The following PARD3B variants were observed in gnomAD, a reference collection of about 807,000 sequenced individuals.
PARD3B encodes partitioning defective 3 homolog B.
A neutral mutation model predicts 130.2 loss-of-function variants in PARD3B; 103 were observed. The observed-to-expected ratio is 0.79, with a 90% CI of 0.67 to 0.93. The LOEUF is 0.93. Among genes scored for constraint, PARD3B ranks in the 40% least tolerant of loss-of-function variants. The pLI, the probability that PARD3B is intolerant of heterozygous loss-of-function variation, is 0.00. For missense variants in PARD3B, 1,609 were observed against 1,499.2 expected, an observed-to-expected ratio of 1.07 and a Z score of -1.21; for synonymous variants, 583 against 553.2, an observed-to-expected ratio of 1.05 and a Z score of -0.76.
chr2:204,866,701 T>A (rs1018688996), intron 2 of PARD3B, among the ~76,000 whole-genome samples: 1 of 151,618 alleles, frequency 6.6e-6, no homozygotes, highest in African/African-American at 2.4e-5. Context: ...ATATATATGT[T>A]TATGTATGTA....
At chr2:205,556,841 T>C (rs1180833531) in intron 22 of PARD3B, among the ~76,000 whole-genome samples, 2 of 152,228 alleles carry the variant, frequency 1.3e-5, no homozygotes, top group Admixed American at 1.3e-4. Flanking sequence ...TAGGCTGCTA[T>C]GATGTGCGAA....
chr2:205,278,292 A>G (rs774939046), intron 16 of PARD3B, among the ~76,000 whole-genome samples: 1 of 152,130 alleles, frequency 6.6e-6, no homozygotes, highest in Non-Finnish European at 1.5e-5. Flanking sequence ...AAAGAAAAGG[A>G]TAGAAGTGAG....
intron 3 of PARD3B, among the ~76,000 whole-genome samples, chr2:205,036,370 A>AATATATG (rs1697885988): frequency 4.3e-4 from 46 of 108,148 alleles, no homozygotes; most frequent in Non-Finnish European, 6.6e-4. Flanking sequence ...TATATATAAA[A>AATATATG]TATATATAGC....
At chr2:204,582,141 G>A (rs1016348234) in intron 1 of PARD3B, among the ~76,000 whole-genome samples, 1 of 152,138 alleles carries the variant, frequency 6.6e-6, no homozygotes, top group Non-Finnish European at 1.5e-5. Context: ...AGGCACCTCT[G>A]AGAACTCCCA....
intron 2 of PARD3B, among the ~76,000 whole-genome samples, chr2:204,854,109 A>G (rs1243405555): frequency 6.6e-6 from 1 of 152,190 alleles, no homozygotes; most frequent in Non-Finnish European, 1.5e-5. Flanking sequence ...ACTGAAAGAA[A>G]CATCATGAGA....
At chr2:205,399,437 C>G (rs2046161458) in intron 18 of PARD3B, among the ~76,000 whole-genome samples, 1 of 151,902 alleles carries the variant, frequency 6.6e-6, no homozygotes. Context: ...TCACTGCAAC[C>G]TCTGCCTCCT....
intron 18 of PARD3B, among the ~76,000 whole-genome samples, chr2:205,381,788 G>C (rs1292968398): frequency 6.6e-6 from 1 of 151,960 alleles, no homozygotes; most frequent in Non-Finnish European, 1.5e-5. Flanking sequence ...TCTGTTTGGG[G>C]GAGGACTGCA....
At chr2:204,825,231 C>G (rs567556259) in intron 2 of PARD3B, among the ~76,000 whole-genome samples, 1 of 152,294 alleles carries the variant, frequency 6.6e-6, no homozygotes, top group Admixed American at 6.5e-5. Flanking sequence ...AGCTTTCTTA[C>G]TCATCATCTG....
intron 1 of PARD3B, among the ~76,000 whole-genome samples, chr2:204,644,850 C>A (rs2035217258): frequency 6.6e-6 from 1 of 152,012 alleles, no homozygotes; most frequent in Non-Finnish European, 1.5e-5. Context: ...TAAAAAAATT[C>A]CTCCCCAGAG....
chr2:205,535,593 G>A (rs1444578972), intron 21 of PARD3B, among the ~76,000 whole-genome samples: 1 of 152,108 alleles, frequency 6.6e-6, no homozygotes, highest in African/African-American at 2.4e-5. Context: ...GATGTAATGG[G>A]TCTCTTTAAA....
chr2:204,596,924 CTCTCTCTCTCTCTCTATCTG>C (rs2033316330), intron 1 of PARD3B, among the ~76,000 whole-genome samples: 1 of 151,580 alleles, frequency 6.6e-6, no homozygotes, highest in Non-Finnish European at 1.5e-5. Context: ...CTCACTCTCT[CTCTCTCTCTCTCTCTATCTG>C]TCTCTCTCTC....
intron 2 of PARD3B, among the ~76,000 whole-genome samples, chr2:204,735,571 T>G (rs145997058): frequency 6.6e-4 from 100 of 152,282 alleles, no homozygotes; most frequent in Non-Finnish European, 1.3e-3. Flanking sequence ...GGGGAACTTT[T>G]CCAGATTTAG....
rs368465299 is a variant in PARD3B, at chr2:204,568,954, G to GAAAAAAAAAAAA, written c.120+22835_120+22836insAAAAAAAAAAAA. On this transcript the variant is annotated intron_variant, in intron 1 of 22. Transcript: ENST00000406610. ...TGGGTGACAGAGTGAGACTGTCTCA[G>GAAAAAAAAAAAA]GAAAAAAAAAAAAAAATTGCAGGAA... Among the ~76,000 whole-genome samples, 161 of 143,360 alleles carry GAAAAAAAAAAAA rather than the reference G, an allele frequency of 1.1e-3. 4 individuals carry two copies. The highest frequency in any genetic ancestry group is 4.1e-3 in the East Asian group (20 of 4,858). 94.0% of individuals were successfully genotyped at this position (143,360 alleles called of 152,430 possible).
chr2:205,032,216 G>C (rs1257964225), intron 3 of PARD3B, among the ~76,000 whole-genome samples: 3 of 152,000 alleles, frequency 2.0e-5, no homozygotes, highest in African/African-American at 7.2e-5. Context: ...GACACTGGGT[G>C]AATTAGCCTG....
At chr2:204,563,217 G>GTGTCTCTCTCTC (rs2031435752) in intron 1 of PARD3B, among the ~76,000 whole-genome samples, 1 of 86,598 alleles carries the variant, frequency 1.2e-5, no homozygotes, top group Admixed American at 1.4e-4. Flanking sequence ...TCTTCCCGCT[G>GTGTCTCTCTCTC]TCTCTCTCTC....
intron 11 of PARD3B, among the ~76,000 whole-genome samples, chr2:205,169,625 G>A (rs553479817): frequency 6.6e-6 from 1 of 152,034 alleles, no homozygotes; most frequent in East Asian, 2.0e-4. Context: ...TCTTTATCTT[G>A]TTTCTTCCTG....
At position 205,099,639 on chromosome 2, in the gene PARD3B, G is replaced by A. The variant is rs1036677351; in HGVS notation, c.505-4787G>A. ...CTGTTAAGAGGTAAACTGCCTTGTC[G>A]ATAAGTATCAAAGCACTGCACAGCT... On this transcript the variant is annotated intron_variant, in intron 4 of 22. Coordinates refer to ENST00000406610, the MANE Select transcript of PARD3B (RefSeq NM_001302769.2). Among the ~76,000 whole-genome samples the A allele has an allele frequency of 5.3e-5, 8 of 152,218 alleles. No individual in the cohort carries two copies. The South Asian group carries it at 1.5e-3, about 28-fold the overall frequency.
intron 1 of PARD3B, among the ~76,000 whole-genome samples, chr2:204,636,513 GA>G (rs2034883667): frequency 2.0e-5 from 3 of 148,972 alleles, no homozygotes; most frequent in African/African-American, 7.5e-5. Flanking sequence ...TTAAATTCTA[GA>G]AGAACAGGGT....
At position 205,562,800 on chromosome 2, in the gene PARD3B, G is replaced by C. The variant is rs543406687; in HGVS notation, c.3260+9397G>C. Among the ~76,000 whole-genome samples, 1 of 152,172 alleles carries C rather than the reference G, an allele frequency of 6.6e-6. No homozygotes were observed. Among genetic ancestry groups the C allele is most frequent in the South Asian group, 2.1e-4 (1 of 4,816 alleles). Reference sequence around the variant, plus strand: ...TGGTGGTGATTTTCTTGATAATGCTGTACCGTTTTGCATGATGCACACTGT... The same window carrying C: ...TGGTGGTGATTTTCTTGATAATGCTCTACCGTTTTGCATGATGCACACTGT... On this transcript the variant is annotated intron_variant, in intron 22 of 22. Coordinates refer to ENST00000406610, the MANE Select transcript of PARD3B (RefSeq NM_001302769.2). This position sits in a 1 kb window ranked among gnomAD's most constrained non-coding sequence, Gnocchi z 5.4.
Sources: allele counts gnomAD v4.1 joint callset (sites outside exome capture counted in the v4.1 genomes callset), GRCh38; gene constraint gnomAD v4.1.1; non-coding constraint Gnocchi (gnomAD v3.1); transcripts MANE v1.5; gene names NCBI Gene and HGNC (gene_info 2026-07-23, HGNC 2026-07-21).